Variants in CEP112 observed in about 807,000 individuals in gnomAD.
CEP112 encodes the protein centrosomal protein 112.
A neutral mutation model predicts 153.0 loss-of-function variants in CEP112; 127 were observed. The ratio of observed to expected loss-of-function variants is 0.83; its 90% confidence interval spans 0.72 to 0.96. The LOEUF is 0.96. CEP112 is among the 40% of genes least tolerant of loss of function. CEP112 has a pLI of 0.00. For missense variants in CEP112, 1,089 were observed against 1,101.2 expected (o/e 0.99, Z 0.16); for synonymous variants, 358 against 374.4 (o/e 0.96, Z 0.51).
At chr17:65,781,894 A>G (rs1021763187) in intron 21 of CEP112, among the ~76,000 whole-genome samples, 3 of 152,218 alleles carry the variant, frequency 2.0e-5, no homozygotes, top group Non-Finnish European at 4.4e-5. Flanking sequence ...ACCTCCATCT[A>G]TAAGAATCCT....
intron 8 of CEP112, among the ~76,000 whole-genome samples, chr17:66,094,206 T>C (rs1415030535): frequency 6.6e-6 from 1 of 152,050 alleles, no homozygotes; most frequent in Non-Finnish European, 1.5e-5. Flanking sequence ...ATTACAGGCA[T>C]GCCCTACCAC....
intron 11 of CEP112, among the ~76,000 whole-genome samples, chr17:66,058,057 C>A (rs1292106998): frequency 6.6e-6 from 1 of 150,916 alleles, no homozygotes. Flanking sequence ...TGCACCACTG[C>A]TCTCCAGCCT....
intron 17 of CEP112, among the ~76,000 whole-genome samples, chr17:65,970,583 G>C (rs2062694070): frequency 6.6e-6 from 1 of 151,834 alleles, no homozygotes; most frequent in African/African-American, 2.4e-5. Flanking sequence ...CAAATTGCGT[G>C]CATTTTATAT....
At chr17:65,649,670 G>T (rs1359939885) in intron 24 of CEP112, among the ~76,000 whole-genome samples, 1 of 140,042 alleles carries the variant, frequency 7.1e-6, no homozygotes, top group Admixed American at 7.9e-5. Flanking sequence ...AGTGAGCTAT[G>T]TTTGTGCCAC....
chr17:65,869,699 C>T (rs559151235), intron 20 of CEP112, among the ~76,000 whole-genome samples: 3 of 151,738 alleles, frequency 2.0e-5, no homozygotes, highest in East Asian at 3.9e-4. Flanking sequence ...CCTGCCTCAG[C>T]CTCCCAAGTA....
intron 12 of CEP112, among the ~76,000 whole-genome samples, chr17:66,045,258 T>C (rs2066157402): frequency 6.6e-6 from 1 of 151,936 alleles, no homozygotes; most frequent in African/African-American, 2.4e-5. Context: ...TTTGTAGAGA[T>C]GGGGTCTTGC....
At chr17:66,005,893 C>T (rs898132660) in intron 16 of CEP112, 124 bp from the exon 17 acceptor site, 10 of 830,212 alleles carry the variant, frequency 1.2e-5, no homozygotes, top group Admixed American at 3.4e-5. Context: ...TTAGATATTT[C>T]AAGATAGAAA....
intron 23 of CEP112, among the ~76,000 whole-genome samples, chr17:65,719,545 G>A (rs186929817): frequency 1.6e-4 from 25 of 152,230 alleles, no homozygotes; most frequent in African/African-American, 3.6e-4. Flanking sequence ...TCATGCCACC[G>A]CACTCCAGCC....
At chr17:66,157,593 A>G (rs2071499241) in intron 4 of CEP112, among the ~76,000 whole-genome samples, 1 of 152,078 alleles carries the variant, frequency 6.6e-6, no homozygotes, top group Non-Finnish European at 1.5e-5. Context: ...GAAATTGGAT[A>G]AAGAGTCAAG....
At chr17:65,816,841 A>G (rs2056296515) in intron 21 of CEP112, among the ~76,000 whole-genome samples, 1 of 151,966 alleles carries the variant, frequency 6.6e-6, no homozygotes. Flanking sequence ...ATTTTCTGAA[A>G]CAGTTTGTGT....
chr17:65,769,720 G>T (rs973582080), intron 21 of CEP112, among the ~76,000 whole-genome samples: 4 of 151,998 alleles, frequency 2.6e-5, no homozygotes, highest in Non-Finnish European at 5.9e-5. Flanking sequence ...ACATGTAAAA[G>T]AATAAAATTG....
intron 24 of CEP112, among the ~76,000 whole-genome samples, chr17:65,650,012 G>C (rs892742188): frequency 6.6e-6 from 1 of 152,198 alleles, no homozygotes; most frequent in African/African-American, 2.4e-5. Flanking sequence ...GCCCTGTACT[G>C]TCTGGCCCTA....
chr17:65,951,749 C>CCCCCCCCCCG (rs71160510), intron 18 of CEP112, among the ~76,000 whole-genome samples: 6 of 106,236 alleles, frequency 5.6e-5, no homozygotes, highest in East Asian at 7.8e-4. Flanking sequence ...CCCCGCCCCC[C>CCCCCCCCCCG]CCTTTCTTCC....
intron 17 of CEP112, among the ~76,000 whole-genome samples, chr17:65,971,216 A>G (rs1361153131): frequency 6.6e-6 from 1 of 152,188 alleles, no homozygotes; most frequent in African/African-American, 2.4e-5. Context: ...TATGTATATC[A>G]CATGTATATT....
intron 20 of CEP112, among the ~76,000 whole-genome samples, chr17:65,860,249 C>A (rs1018197623): frequency 1.3e-5 from 2 of 151,822 alleles, no homozygotes; most frequent in South Asian, 4.2e-4. Context: ...AAAAGATGTG[C>A]AAAACCCTAA....
chr17:65,707,442 A>G (rs1055447645), intron 23 of CEP112, among the ~76,000 whole-genome samples: 12 of 152,100 alleles, frequency 7.9e-5, no homozygotes, highest in African/African-American at 2.7e-4. Context: ...AGGTCTGTCC[A>G]TTCATCTCTC....
intron 6 of CEP112, among the ~76,000 whole-genome samples, chr17:66,124,378 G>C (rs1027247576): frequency 6.6e-6 from 1 of 152,032 alleles, no homozygotes; most frequent in Middle Eastern, 3.4e-3. Context: ...ACTCTCAGAG[G>C]AAAGTATAAT....
Position 66,095,451 on chromosome 17 carries a change from T to A in CEP112, c.768+800A>T, listed in dbSNP as rs528044090. Among the ~76,000 whole-genome samples the A allele has an allele frequency of 5.3e-5, 8 of 152,258 alleles. No individual in the cohort carries two copies. The South Asian group carries it at 1.7e-3, about 32-fold the overall frequency. Reference sequence around the variant, plus strand: ...CAAATACCACATGATCTCACTTATATGTGGATTCTAAAAAAGGTGAACTCA... The same window carrying A: ...CAAATACCACATGATCTCACTTATAAGTGGATTCTAAAAAAGGTGAACTCA... On this transcript the variant is annotated intron_variant, in intron 8 of 26. Coordinates refer to ENST00000535342, the MANE Select transcript of CEP112 (RefSeq NM_001199165.4).
chr17:66,103,372 G>A (rs542208445), intron 6 of CEP112, among the ~76,000 whole-genome samples: 1 of 152,146 alleles, frequency 6.6e-6, no homozygotes, highest in East Asian at 1.9e-4. Context: ...AAAGGAAAAA[G>A]GAGGAGGATA....
Sources: allele counts gnomAD v4.1 joint callset (sites outside exome capture counted in the v4.1 genomes callset), GRCh38; gene constraint gnomAD v4.1.1; transcripts MANE v1.5; gene names NCBI Gene and HGNC (gene_info 2026-07-23, HGNC 2026-07-21).